KIF5C: variants seen among roughly 807,000 people sequenced by gnomAD.
KIF5C encodes kinesin heavy chain isoform 5C.
KIF5C carries 18 observed loss-of-function variants against 125.2 expected under a neutral mutation model. The ratio of observed to expected loss-of-function variants is 0.14; its 90% CI spans 0.10 to 0.21. The LOEUF (loss-of-function observed/expected upper bound fraction) is 0.21. Among genes scored for constraint, KIF5C ranks in the 10% least tolerant of loss-of-function variants. The probability of loss-of-function intolerance (pLI) is 1.00; values close to 1 mark genes in which losing one functional copy is unlikely to be tolerated. For synonymous variants in KIF5C, 405 were observed against 434.0 expected, an observed-to-expected ratio of 0.93 and a Z score of 0.83; for missense variants, 780 against 1,183.8, an observed-to-expected ratio of 0.66 and a Z score of 5.01.
At chr2:148,981,584 G>A (rs1681237392) in intron 14 of KIF5C, 23 bp downstream of exon 14, 2 of 1,564,348 alleles carry the variant, frequency 1.3e-6, no homozygotes, top group African/African-American at 1.4e-5. Context: ...GTGTCTAGGG[G>A]GTGGGACTTC....
intron 16 of KIF5C, 67 bp downstream of exon 16, chr2:148,991,265 C>G: frequency 1.3e-6 from 2 of 1,540,608 alleles, no homozygotes; most frequent in Non-Finnish European, 1.7e-6. Context: ...CATGCCCTTG[C>G]TGGTGCTGAT....
intron 10 of KIF5C, among the ~76,000 whole-genome samples, chr2:148,956,751 C>T (rs779464510): frequency 7.2e-5 from 11 of 152,188 alleles, no homozygotes; most frequent in Non-Finnish European, 1.3e-4. Context: ...TAGGATTTTG[C>T]TCAGTTCCTG....
chr2:148,896,323 A>AG (rs2105051363), intron 1 of KIF5C, among the ~76,000 whole-genome samples: 1 of 152,354 alleles, frequency 6.6e-6, no homozygotes, highest in South Asian at 2.1e-4. Flanking sequence ...AAAGGAGTAG[A>AG]GAGGCCACGT....
At chr2:149,005,274 G>A (rs925639451) in intron 21 of KIF5C, 119 bp from the exon 22 acceptor site, 111 of 1,482,788 alleles carry the variant, frequency 7.5e-5, no homozygotes, top group Non-Finnish European at 9.8e-5. Flanking sequence ...ACAGGGAAGG[G>A]GGTGCACCAG....
At chr2:148,963,304 G>A (rs1682973416) in intron 11 of KIF5C, among the ~76,000 whole-genome samples, 1 of 152,120 alleles carries the variant, frequency 6.6e-6, no homozygotes, top group Non-Finnish European at 1.5e-5. Flanking sequence ...TTGGGTAAGG[G>A]TAGGAGCCCG....
chr2:148,945,656 C>T (rs1335890814), intron 7 of KIF5C, among the ~76,000 whole-genome samples: 5 of 152,060 alleles, frequency 3.3e-5, no homozygotes, highest in Admixed American at 6.6e-5. Flanking sequence ...ACCTATCACC[C>T]GAACTGTATG....
chr2:148,915,714 G>A (rs1367826216), intron 1 of KIF5C, among the ~76,000 whole-genome samples: 1 of 152,230 alleles, frequency 6.6e-6, no homozygotes, highest in African/African-American at 2.4e-5. Context: ...AGCAGACCCT[G>A]AGGCAAGGAT....
Sources: allele counts gnomAD v4.1 joint callset (sites outside exome capture counted in the v4.1 genomes callset), GRCh38; gene constraint gnomAD v4.1.1; transcripts MANE v1.5; gene names NCBI Gene and HGNC (gene_info 2026-07-23, HGNC 2026-07-21).